NFIB: variants seen among roughly 807,000 people sequenced by gnomAD.
NFIB encodes the protein nuclear factor 1 B-type.
NFIB carries 11 observed loss-of-function variants against 61.5 expected under a neutral mutation model. That is an observed-to-expected ratio of 0.18 (90% confidence interval 0.11 to 0.30). The LOEUF is 0.30. Among genes scored for constraint, NFIB ranks in the 10% least tolerant of loss-of-function variants. NFIB has a pLI of 1.00. For missense variants in NFIB, 471 were observed against 608.9 expected, an observed-to-expected ratio of 0.77 and a Z score of 2.38; for synonymous variants, 260 against 216.5, an observed-to-expected ratio of 1.20 and a Z score of -1.76.
At chr9:14,466,687 A>C in the NFIB span, among the ~76,000 whole-genome samples, 6 of 152,190 alleles carry the variant, frequency 3.9e-5, no homozygotes, top group East Asian at 9.7e-4. Context: ...TCTGCCCCCC[A>C]GGGTCTGCTT....
chr9:14,136,872 T>A (rs1368187910), intron 6 of NFIB, among the ~76,000 whole-genome samples: 1 of 152,190 alleles, frequency 6.6e-6, no homozygotes, highest in Non-Finnish European at 1.5e-5. Flanking sequence ...TTGCTCTTAA[T>A]GGAAAAGTAG....
At chr9:14,371,103 C>T (rs1299229694) in intron 1 of NFIB, among the ~76,000 whole-genome samples, 1 of 151,812 alleles carries the variant, frequency 6.6e-6, no homozygotes, top group Non-Finnish European at 1.5e-5. Flanking sequence ...TCAAAAAAAC[C>T]AAACCAAAAC....
chr9:14,515,079 T>C, the NFIB span, among the ~76,000 whole-genome samples: 8 of 152,140 alleles, frequency 5.3e-5, 1 homozygote, highest in East Asian at 1.5e-3. Context: ...ATACACTTTA[T>C]TGCACTGCAG....
chr9:14,202,922 G>A (rs1200260248), intron 2 of NFIB, among the ~76,000 whole-genome samples: 1 of 152,130 alleles, frequency 6.6e-6, no homozygotes, highest in Non-Finnish European at 1.5e-5. Flanking sequence ...TACTTACATA[G>A]AAAATTATTT....
At chr9:14,309,508 G>A (rs563791651) in intron 1 of NFIB, among the ~76,000 whole-genome samples, 7 of 152,166 alleles carry the variant, frequency 4.6e-5, no homozygotes, top group Non-Finnish European at 7.3e-5. Context: ...TCATTAAACC[G>A]ATCAGTAGTT....
intron 2 of NFIB, among the ~76,000 whole-genome samples, chr9:14,193,474 C>T (rs1404195732): frequency 6.6e-6 from 1 of 152,112 alleles, no homozygotes; most frequent in African/African-American, 2.4e-5. Context: ...CACCACTATA[C>T]ATCAACGTAA....
chr9:14,364,120 A>G (rs1000957911), intron 1 of NFIB, among the ~76,000 whole-genome samples: 2 of 152,178 alleles, frequency 1.3e-5, no homozygotes, highest in South Asian at 4.1e-4. Flanking sequence ...TTCATTTTTA[A>G]TAGCTATTGC....
chr9:14,512,801 G>T, the NFIB span, among the ~76,000 whole-genome samples: 1 of 148,496 alleles, frequency 6.7e-6, no homozygotes, highest in Non-Finnish European at 1.5e-5. Context: ...TCTCTGTCAC[G>T]TTTTTGAATC....
the NFIB span, among the ~76,000 whole-genome samples, chr9:14,454,350 A>C: frequency 6.6e-6 from 1 of 152,236 alleles, no homozygotes; most frequent in Non-Finnish European, 1.5e-5. Context: ...GCAAAATAGA[A>C]GTGTGCTAAT....
At chr9:14,436,060 G>A in the NFIB span, among the ~76,000 whole-genome samples, 1 of 152,178 alleles carries the variant, frequency 6.6e-6, no homozygotes, top group African/African-American at 2.4e-5. Flanking sequence ...TTATTGCATG[G>A]CCCTGCTCTC....
chr9:14,300,944 A>T (rs1446614432), intron 2 of NFIB, among the ~76,000 whole-genome samples: 1 of 152,206 alleles, frequency 6.6e-6, no homozygotes, highest in Admixed American at 6.5e-5. Flanking sequence ...TAAGTGCCAA[A>T]TTCAAAAGCA....
intron 2 of NFIB, among the ~76,000 whole-genome samples, chr9:14,295,528 A>G (rs747983732): frequency 1.8e-4 from 28 of 152,136 alleles, no homozygotes; most frequent in Middle Eastern, 3.4e-3. Flanking sequence ...CTACTCGGCA[A>G]GCTGAGGCAG....
In NFIB at chr9:14,168,455, G is replaced by A. The variant is rs1362827417; in HGVS notation, c.616+11272C>T. Among the ~76,000 whole-genome samples the A allele has an allele frequency of 2.6e-5, 4 of 152,304 alleles. No individual in the cohort carries two copies. The East Asian group carries it at 7.7e-4, about 29-fold the overall frequency. On this transcript the variant is annotated intron_variant, in intron 3 of 10. Transcript: ENST00000380953. ...AGGGAGTACAAGCATTCTAGGCAGA[G>A]AAACAACATGAGCAAAGATACAAAG...
intron 2 of NFIB, among the ~76,000 whole-genome samples, chr9:14,286,442 C>A: frequency 6.6e-6 from 1 of 152,268 alleles, no homozygotes; most frequent in East Asian, 1.9e-4. Context: ...CTACCATGTA[C>A]ACACTACAAA....
chr9:14,249,434 G>A (rs2055322057), intron 2 of NFIB, among the ~76,000 whole-genome samples: 1 of 152,220 alleles, frequency 6.6e-6, no homozygotes, highest in African/African-American at 2.4e-5. Flanking sequence ...ATAGCATCAT[G>A]TGCCTTTTCA....
At chr9:14,414,447 A>AG in the NFIB span, among the ~76,000 whole-genome samples, 3,066 of 149,682 alleles carry the variant, frequency 0.02, 94 homozygotes, top group East Asian at 0.058. Flanking sequence ...AAAAAAAAAA[A>AG]AAAAGAAAAC....
chr9:14,471,698 T>C, the NFIB span, among the ~76,000 whole-genome samples: 325 of 152,316 alleles, frequency 2.1e-3, no homozygotes, highest in African/African-American at 7.3e-3. Flanking sequence ...CACCATCTAT[T>C]CTCTGTTTTT....
intron 3 of NFIB, among the ~76,000 whole-genome samples, chr9:14,167,101 CTTT>C (rs2044927583): frequency 1.3e-5 from 2 of 149,742 alleles, no homozygotes; most frequent in Non-Finnish European, 3.0e-5. Context: ...GGGGGTTCCC[CTTT>C]TTAACATATT....
At chr9:14,242,023 G>A (rs77422804) in intron 2 of NFIB, among the ~76,000 whole-genome samples, 3,204 of 151,992 alleles carry the variant, frequency 0.021, 124 homozygotes, top group African/African-American at 0.073. Context: ...GTTTGAAAAG[G>A]CAAAAAAAAT....
Sources: gnomAD v4.1 joint callset for allele counts (sites outside exome capture counted in the v4.1 genomes callset) on GRCh38, gnomAD v4.1.1 for gene constraint, MANE v1.5 for transcripts, NCBI Gene and HGNC (gene_info 2026-07-23, HGNC 2026-07-21) for gene names.